Variants in ARHGAP32 observed in about 807,000 individuals in gnomAD.
The protein encoded by ARHGAP32 is rho GTPase-activating protein 32.
ARHGAP32 carries 51 observed loss-of-function variants against 186.5 expected under a neutral mutation model. The ratio of observed to expected loss-of-function variants is 0.27; its 90% CI spans 0.22 to 0.35. The LOEUF (loss-of-function observed/expected upper bound fraction) is 0.35. Ranked by LOEUF, ARHGAP32 falls within the 10% of genes least tolerant of loss-of-function variation. The pLI is 1.00. For missense variants in ARHGAP32, 2,186 were observed against 2,623.5 expected, an observed-to-expected ratio of 0.83 and a Z score of 3.64; for synonymous variants, 950 against 964.3, an observed-to-expected ratio of 0.99 and a Z score of 0.27.
At chr11:129,198,800 A>G (rs2135572007) in intron 1 of ARHGAP32, among the ~76,000 whole-genome samples, 1 of 152,338 alleles carries the variant, frequency 6.6e-6, no homozygotes, top group South Asian at 2.1e-4. Flanking sequence ...CAACTTTGGA[A>G]CTGGTTAACA....
intron 2 of ARHGAP32, among the ~76,000 whole-genome samples, chr11:129,163,628 C>G (rs1002807880): frequency 6.6e-6 from 1 of 152,084 alleles, no homozygotes; most frequent in Non-Finnish European, 1.5e-5. Flanking sequence ...GTGCTATCAT[C>G]CTGGTTCAAG....
chr11:129,119,196 C>T (rs1320750192), intron 5 of ARHGAP32, among the ~76,000 whole-genome samples: 1 of 151,862 alleles, frequency 6.6e-6, no homozygotes, highest in Non-Finnish European at 1.5e-5. Flanking sequence ...ATCTAGGAAC[C>T]GTACTTCCTT....
intron 11 of ARHGAP32, among the ~76,000 whole-genome samples, chr11:129,006,906 C>T (rs1937804681): frequency 6.6e-6 from 1 of 152,130 alleles, no homozygotes; most frequent in Non-Finnish European, 1.5e-5. Flanking sequence ...ACCTGTTGTT[C>T]TACTATATTG....
At chr11:129,033,578 C>A (rs1307909711) in intron 11 of ARHGAP32, among the ~76,000 whole-genome samples, 2 of 152,114 alleles carry the variant, frequency 1.3e-5, no homozygotes, top group East Asian at 1.9e-4. Flanking sequence ...GTCTTAAGGG[C>A]ATATTATGAT....
At chr11:129,004,147 AT>A (rs1405394260) in intron 11 of ARHGAP32, among the ~76,000 whole-genome samples, 1 of 149,666 alleles carries the variant, frequency 6.7e-6, no homozygotes, top group Non-Finnish European at 1.5e-5. Flanking sequence ...ATATTATTTA[AT>A]TTCCATGTGT....
chr11:129,210,194 C>T (rs1229682822), intron 1 of ARHGAP32, among the ~76,000 whole-genome samples: 1 of 152,206 alleles, frequency 6.6e-6, no homozygotes, highest in Non-Finnish European at 1.5e-5. Context: ...AAGACAAACA[C>T]TTTAAACTAC....
chr11:129,185,816 C>T (rs1944148653), intron 1 of ARHGAP32, among the ~76,000 whole-genome samples: 1 of 151,622 alleles, frequency 6.6e-6, no homozygotes, highest in Non-Finnish European at 1.5e-5. Context: ...CACAAACATA[C>T]ATACACAGAA....
chr11:129,099,333 T>C (rs376102759), intron 5 of ARHGAP32, among the ~76,000 whole-genome samples: 8 of 152,228 alleles, frequency 5.3e-5, no homozygotes, highest in African/African-American at 1.9e-4. Context: ...CTTACCATTG[T>C]GTTACAACTG....
chr11:129,185,713 A>T (rs1012407953), intron 1 of ARHGAP32, among the ~76,000 whole-genome samples: 2 of 152,190 alleles, frequency 1.3e-5, no homozygotes, highest in Non-Finnish European at 2.9e-5. Flanking sequence ...ATCTAGAAGT[A>T]TGAGACTGAG....
chr11:129,277,815 CACA>C (rs1280477319), intron 1 of ARHGAP32, among the ~76,000 whole-genome samples: 4 of 152,152 alleles, frequency 2.6e-5, no homozygotes, highest in African/African-American at 4.8e-5. Flanking sequence ...AAAAAGAAAA[CACA>C]ACATTGAGTA....
chr11:129,169,390 G>C (rs1186363011), intron 1 of ARHGAP32, among the ~76,000 whole-genome samples: 1 of 152,080 alleles, frequency 6.6e-6, no homozygotes, highest in Non-Finnish European at 1.5e-5. Flanking sequence ...CCAGCACTTT[G>C]GGAGGCTGAG....
chr11:128,985,488 T>C (rs1840837641), intron 15 of ARHGAP32, among the ~76,000 whole-genome samples: 1 of 151,822 alleles, frequency 6.6e-6, no homozygotes, highest in Non-Finnish European at 1.5e-5. Context: ...TAGTTTCTAC[T>C]GTTGTCTTTT....
chr11:129,191,678 A>G (rs1028493926), intron 1 of ARHGAP32, among the ~76,000 whole-genome samples: 2 of 151,580 alleles, frequency 1.3e-5, no homozygotes, highest in Admixed American at 1.3e-4. Context: ...ACGCACACAC[A>G]CACACACACA....
In ARHGAP32 at chr11:129,158,821, T is replaced by G. The variant is rs1005515384; in HGVS notation, c.225+5498A>C. Among the ~76,000 whole-genome samples, 13 of 152,040 alleles carry G rather than the reference T, an allele frequency of 8.6e-5. 1 individual carries two copies. The highest frequency in any genetic ancestry group is 7.9e-4 in the Admixed American group (12 of 15,272). ...GACCACATAATTGGAAGTAAAACAC[T>G]CCTCAGCAAATGCAAAAGAATGGAA... On this transcript the variant is annotated intron_variant, in intron 2 of 22. Coordinates refer to ENST00000682385, the MANE Select transcript of ARHGAP32 (RefSeq NM_001378024.1).
At chr11:129,222,401 G>A (rs1254852227) in intron 1 of ARHGAP32, among the ~76,000 whole-genome samples, 1 of 152,144 alleles carries the variant, frequency 6.6e-6, no homozygotes, top group Non-Finnish European at 1.5e-5. Flanking sequence ...AAAAGCCGGA[G>A]AACTTCAACC....
intron 1 of ARHGAP32, among the ~76,000 whole-genome samples, chr11:129,170,126 G>A (rs528343997): frequency 6.0e-4 from 90 of 149,528 alleles, no homozygotes; most frequent in Non-Finnish European, 5.8e-4. Context: ...TTGATTAAAC[G>A]TTCTAAAATC....
chr11:129,040,906 C>T, intron 11 of ARHGAP32, 22 bp downstream of exon 11: 1 of 1,560,884 alleles, frequency 6.4e-7, no homozygotes, highest in South Asian at 1.2e-5. Flanking sequence ...AATAACTACA[C>T]TAGTGAAAAA....
intron 11 of ARHGAP32, among the ~76,000 whole-genome samples, chr11:129,030,066 A>G (rs1385548145): frequency 2.6e-5 from 4 of 152,156 alleles, no homozygotes; most frequent in Non-Finnish European, 5.9e-5. Context: ...GCACTTTAGC[A>G]TTTTAGTACT....
chr11:129,010,703 G>T (rs1422747013), intron 11 of ARHGAP32, among the ~76,000 whole-genome samples: 2 of 152,102 alleles, frequency 1.3e-5, no homozygotes, highest in African/African-American at 2.4e-5. Flanking sequence ...ATTTTAGAAG[G>T]ATATTAGTTG....
Sources: allele counts gnomAD v4.1 joint callset (sites outside exome capture counted in the v4.1 genomes callset), GRCh38; gene constraint gnomAD v4.1.1; transcripts MANE v1.5; gene names NCBI Gene and HGNC (gene_info 2026-07-23, HGNC 2026-07-21).